Variants in BRD4 observed in about 807,000 individuals in gnomAD.
The protein encoded by BRD4 is bromodomain-containing protein 4.
A neutral mutation model predicts 142.1 loss-of-function variants in BRD4; 16 were observed. The ratio of observed to expected loss-of-function variants is 0.11; its 90% CI spans 0.08 to 0.17. The LOEUF (loss-of-function observed/expected upper bound fraction) is 0.17, where lower values mean the gene tolerates loss of function less well. BRD4 is among the 10% of genes least tolerant of loss of function. BRD4 has a pLI of 1.00. For synonymous variants in BRD4, 833 were observed against 707.5 expected (o/e 1.18, Z -2.82); for missense variants, 1,424 against 1,810.9 (o/e 0.79, Z 3.88).
intron 1 of BRD4, among the ~76,000 whole-genome samples, chr19:15,315,651 T>TAA (rs2048010613): frequency 6.6e-6 from 1 of 152,012 alleles, no homozygotes; most frequent in Non-Finnish European, 1.5e-5. Context: ...GATCAGAAGT[T>TAA]AAAGACCAGT....
chr19:15,264,767 C>A lies in BRD4; in HGVS notation c.850-1G>T. The A allele has an allele frequency of 6.3e-7, 1 of 1,596,210 alleles. No individual in the cohort carries two copies. Among genetic ancestry groups the A allele is most frequent in the Non-Finnish European group, 8.6e-7 (1 of 1,168,912 alleles). On this transcript the variant is annotated splice_acceptor_variant, in intron 5 of 19. Coordinates refer to ENST00000679869, the MANE Select transcript of BRD4 (RefSeq NM_001379291.1). LOFTEE classifies it high-confidence loss of function. ...CTTTCCTCTTCACTCCCTTCTTTGTCTGCCAAGAACACGGACGCCAACAGG... is the reference window on the plus strand; with the variant it reads ...CTTTCCTCTTCACTCCCTTCTTTGTATGCCAAGAACACGGACGCCAACAGG...
rs201742792 is a variant in BRD4, at chr19:15,243,227, C to T, written c.2842G>A (p.Val948Met). The stretch of plus-strand genomic sequence containing the variant: ...GGTGGGGGCTGGGACTGCACCTTCA[C>T]GGAAGGGAGTAGCGGCGTAGGGGGC... ...VQPPTPLLPS[V>M]KVQSQPPPPL... Residue 948 changes from valine to methionine, a missense_variant, in exon 14 of 20, where the codon GTG becomes ATG. Around this residue, in one of 16 missense-constraint regions of BRD4, gnomAD observed 598 missense variants for 647.8 expected, o/e 0.92. Coordinates refer to ENST00000679869, the MANE Select transcript of BRD4 (RefSeq NM_001379291.1). 16 of 1,373,714 alleles carry T rather than the reference C, an allele frequency of 1.2e-5. No homozygotes were observed. Among genetic ancestry groups the T allele is most frequent in the Admixed American group, 5.2e-5 (2 of 38,374 alleles). 85.1% of individuals were successfully genotyped at this position (1,373,714 alleles called of 1,614,324 possible).
Position 15,237,060 on chromosome 19 carries a change from G to A in BRD4, c.*1317C>T, listed in dbSNP as rs1307181537. On this transcript the variant is annotated 3_prime_UTR_variant, in exon 20 of 20. Coordinates refer to ENST00000679869, the MANE Select transcript of BRD4 (RefSeq NM_001379291.1). ...AAAGCATGGGCAGGAGCGGCCAGCTGGTTGGGGCTGGGCGCCAGGTAGGGG... is the reference window on the plus strand; with the variant it reads ...AAAGCATGGGCAGGAGCGGCCAGCTAGTTGGGGCTGGGCGCCAGGTAGGGG... The A allele has an allele frequency of 4.8e-6, 1 of 209,958 alleles. No homozygotes were observed. The highest frequency in any genetic ancestry group is 2.3e-5 in the African/African-American group (1 of 43,446). The allele number at this position is 209,958 out of a possible 1,614,324, so 13.0% of individuals were successfully genotyped here. A position where few individuals can be genotyped will look rare whatever the true frequency, so the allele number is the denominator to read the frequency against.
chr19:15,313,711 G>T (rs117070764), intron 1 of BRD4, among the ~76,000 whole-genome samples: 2 of 152,162 alleles, frequency 1.3e-5, no homozygotes, highest in East Asian at 1.9e-4. Context: ...AGTAAGAACT[G>T]TTTAATGTAT....
chr19:15,259,295 C>T (rs1260869552), intron 7 of BRD4, among the ~76,000 whole-genome samples: 2 of 152,222 alleles, frequency 1.3e-5, no homozygotes, highest in African/African-American at 4.8e-5. Context: ...AGGGAGTGCC[C>T]TCTACTGAGT....
chr19:15,250,276 C>T (rs549472814), intron 11 of BRD4, among the ~76,000 whole-genome samples: 37 of 152,320 alleles, frequency 2.4e-4, no homozygotes, highest in Admixed American at 5.2e-4. Flanking sequence ...GGCTACTGCC[C>T]TATCTTCAAG....
At chr19:15,318,768 A>C (rs1402176340) in intron 1 of BRD4, among the ~76,000 whole-genome samples, 2 of 152,376 alleles carry the variant, frequency 1.3e-5, no homozygotes, top group East Asian at 3.9e-4. Flanking sequence ...AAACAGCAGC[A>C]GCTTCAGTGT....
chr19:15,237,631 G>C lies in BRD4; in HGVS notation c.*746C>G. On this transcript the variant is annotated 3_prime_UTR_variant, in exon 20 of 20. Transcript: ENST00000679869. ...ACAAAAAATATATATAGAAAAAAAA[G>C]AAAAAAAAAAACGAAACAGAAACAC... is the stretch of plus-strand genomic sequence containing the variant. The C allele has an allele frequency of 9.2e-5, 17 of 185,504 alleles. No homozygotes were observed. Among genetic ancestry groups the C allele is most frequent in the East Asian group, 2.6e-4 (3 of 11,622 alleles). The allele number at this position is 185,504 out of a possible 1,614,324, so 11.5% of individuals were successfully genotyped here.
chr19:15,321,425 C>T (rs1488249240), intron 1 of BRD4, among the ~76,000 whole-genome samples: 1 of 151,452 alleles, frequency 6.6e-6, no homozygotes, highest in Non-Finnish European at 1.5e-5. Flanking sequence ...AGACCAGCTA[C>T]AGGCGCCATG....
At chr19:15,291,251 A>G (rs1000786588) in intron 1 of BRD4, among the ~76,000 whole-genome samples, 1 of 152,098 alleles carries the variant, frequency 6.6e-6, no homozygotes, top group African/African-American at 2.4e-5. Context: ...CCTGGGGATG[A>G]CTCAGTATCC....
chr19:15,312,508 T>C (rs1395604862), intron 1 of BRD4, among the ~76,000 whole-genome samples: 1 of 152,100 alleles, frequency 6.6e-6, no homozygotes, highest in Non-Finnish European at 1.5e-5. Flanking sequence ...GGTGTGCGCC[T>C]GTAATCCCAG....
chr19:15,250,938 G>A (rs1015149507), intron 11 of BRD4, among the ~76,000 whole-genome samples: 2 of 152,180 alleles, frequency 1.3e-5, no homozygotes, highest in Non-Finnish European at 1.5e-5. Context: ...TGGTGGGAGA[G>A]TGGCATTTGT....
At chr19:15,322,760 G>A (rs1417077463) in intron 1 of BRD4, among the ~76,000 whole-genome samples, 2 of 151,046 alleles carry the variant, frequency 1.3e-5, no homozygotes, top group East Asian at 3.9e-4. Context: ...CCAGCTACTT[G>A]GGAGGCTGAA....
At chr19:15,253,637 C>T (rs2145562759) in intron 11 of BRD4, 1 of 1,597,266 alleles carries the variant, frequency 6.3e-7, no homozygotes. Context: ...GCAGGGCCAG[C>T]AGCAGACTGG....
At position 15,257,119 on chromosome 19, in the gene BRD4, C is replaced by A. The variant is rs201855172; in HGVS notation, c.1396G>T (p.Val466Leu). ...KMPDEPEEPVVAVSSPAVPPP... is the reference protein window; with the variant it reads ...KMPDEPEEPVLAVSSPAVPPP... ...GGCACTGCCGGGGAGGACACGGCCA[C>A]CACTGGCTCCTCAGGCTCGTCCGGC... Residue 466 changes from valine (V) to leucine (L), a missense_variant, in exon 8 of 20, where the codon GTG becomes TTG. Physicochemically the swap from Val to Leu is conservative, Grantham distance 32. Transcript: ENST00000679869. The A allele has an allele frequency of 6.2e-7, 1 of 1,609,402 alleles. No homozygotes were observed. The highest frequency in any genetic ancestry group is 1.3e-5 in the African/African-American group (1 of 75,002).
intron 1 of BRD4, among the ~76,000 whole-genome samples, chr19:15,317,427 A>C (rs1175957232): frequency 1.3e-5 from 2 of 152,316 alleles, no homozygotes; most frequent in Admixed American, 6.5e-5. Context: ...CACCACTTTA[A>C]AACAGGCATG....
chr19:15,284,280 C>G lies in BRD4; in HGVS notation c.-34-11147G>C, dbSNP rs1182879825. Among the ~76,000 whole-genome samples the G allele has an allele frequency of 3.9e-5, 6 of 152,232 alleles. No homozygotes were observed. In the East Asian group the frequency reaches 1.2e-3, roughly 29 times the overall value. ...AATCTATGGGGATCAGGAGGAGGAACGGCATCACTTTTCTTGAAGAAAAGG... is the reference window on the plus strand; with the variant it reads ...AATCTATGGGGATCAGGAGGAGGAAGGGCATCACTTTTCTTGAAGAAAAGG... On this transcript the variant is annotated intron_variant, in intron 1 of 19. Transcript: ENST00000679869.
intron 1 of BRD4, among the ~76,000 whole-genome samples, chr19:15,277,619 CAAAA>C (rs67961221): frequency 1.0e-5 from 1 of 96,022 alleles, no homozygotes; most frequent in Admixed American, 1.2e-4. Flanking sequence ...CTATCTCTAC[CAAAA>C]AAAAAAAAAA....
rs1319974017 is a variant in BRD4, at chr19:15,237,379, AT to A, written c.*997del. ...TTTTGTGTGTTTTGTCTTTTTGTGG[AT>A]TTTTTTGAGCTTTTTTCTTTTTTCA... On this transcript the variant is annotated 3_prime_UTR_variant, in exon 20 of 20. Coordinates refer to ENST00000679869, the MANE Select transcript of BRD4 (RefSeq NM_001379291.1). 4.6e-6 allele frequency: 1 copy of A among 219,202 alleles called. No homozygotes were observed. The highest frequency in any genetic ancestry group is 5.9e-5 in the Admixed American group (1 of 17,040). The allele number at this position is 219,202 out of a possible 1,614,324, so 13.6% of individuals were successfully genotyped here. A position where few individuals can be genotyped will look rare whatever the true frequency, so the allele number is the denominator to read the frequency against.
Sources: gnomAD v4.1 joint callset for allele counts (sites outside exome capture counted in the v4.1 genomes callset) on GRCh38, gnomAD v4.1.1 for gene constraint, gnomAD v4.1.1 regional missense constraint, MANE v1.5 for transcripts, NCBI Gene and HGNC (gene_info 2026-07-23, HGNC 2026-07-21) for gene names.